PKD1: variants seen among roughly 807,000 people sequenced by gnomAD.
PKD1 encodes the protein polycystin 1, transient receptor potential channel interacting.
Under a neutral mutation model 361.7 loss-of-function variants are expected in PKD1, and 81 were observed. The ratio of observed to expected loss-of-function variants is 0.22; its 90% CI spans 0.19 to 0.27. The LOEUF (loss-of-function observed/expected upper bound fraction) is 0.27. PKD1 is among the 10% of genes least tolerant of loss of function. The pLI, the probability that PKD1 is intolerant of heterozygous loss-of-function variation, is 1.00. For synonymous variants in PKD1, 3,615 were observed against 2,818.3 expected (o/e 1.28, Z -8.95); for missense variants, 6,399 against 6,118.3 (o/e 1.05, Z -1.53).
At chr16:2,113,543 A>G (rs1400237068) in intron 11 of PKD1, among the ~76,000 whole-genome samples, 5 of 152,156 alleles carry the variant, frequency 3.3e-5, no homozygotes, top group Non-Finnish European at 7.4e-5. Flanking sequence ...TGTAAAGCAA[A>G]CCTAGTACCA....
At chr16:2,092,821 T>A (rs2091659039) in intron 38 of PKD1, 133 bp downstream of exon 38, 5 of 1,127,806 alleles carry the variant, frequency 4.4e-6, no homozygotes. Flanking sequence ...TGCCTACTGA[T>A]GCCAGCAGCA....
Position 2,100,130 on chromosome 16 carries a change from C to A in PKD1, c.9712+36G>T. ...CACGGGGCAGGACCACCCTGCCCAA[C>A]CTCCCACGGAGTGGGAACATGGAAC... is the stretch of plus-strand genomic sequence containing the variant. On this transcript the variant is annotated intron_variant, in intron 28 of 45. Coordinates refer to ENST00000262304, the MANE Select transcript of PKD1 (RefSeq NM_001009944.3). The surrounding 1 kb of genome is among the most constrained non-coding windows in gnomAD (Gnocchi z 4.4). 1 of 1,600,076 alleles carries A rather than the reference C, an allele frequency of 6.2e-7. No individual in the cohort carries two copies. Among genetic ancestry groups the A allele is most frequent in the Non-Finnish European group, 8.5e-7 (1 of 1,170,736 alleles).
intron 1 of PKD1, chr16:2,120,037 C>A: frequency 1.7e-6 from 1 of 590,656 alleles, no homozygotes. Context: ...CACAGTGAGA[C>A]CCCGTATCTA....
chr16:2,096,789 T>G, intron 34 of PKD1: 1 of 308,724 alleles, frequency 3.2e-6, no homozygotes, highest in Non-Finnish European at 6.2e-6. Context: ...AGTGCTGGGA[T>G]TACACGTGTG....
Position 2,089,423 on chromosome 16 carries a change from G to C in PKD1, c.*304C>G, listed in dbSNP as rs755653968. On this transcript the variant is annotated 3_prime_UTR_variant, in exon 46 of 46. Coordinates refer to ENST00000262304, the MANE Select transcript of PKD1 (RefSeq NM_001009944.3). Reference sequence around the variant, plus strand: ...GCAGTGGGGGACATCTGCCCAGGGGGTGGGGCCGGGCACAGCCCGCTGTAC... The same window carrying C: ...GCAGTGGGGGACATCTGCCCAGGGGCTGGGGCCGGGCACAGCCCGCTGTAC... 1 of 475,324 alleles carries C rather than the reference G, an allele frequency of 2.1e-6. No individual in the cohort carries two copies. Among genetic ancestry groups the C allele is most frequent in the Non-Finnish European group, 3.8e-6 (1 of 262,006 alleles). 29.4% of individuals were successfully genotyped at this position (475,324 alleles called of 1,614,324 possible).
chr16:2,111,225 C>T lies in PKD1; in HGVS notation c.3942G>A (p.Thr1314=), dbSNP rs751416288. ...CIPTQPDARL[T]AYVTGNPAHY... is the part of the protein sequence containing the mutation. Reference sequence around the variant, plus strand: ...GGGCCGGGTTCCCGGTGACGTAGGCCGTGAGCCGCGCGTCAGGCTGCGTGG... The same window carrying T: ...GGGCCGGGTTCCCGGTGACGTAGGCTGTGAGCCGCGCGTCAGGCTGCGTGG... The change falls in exon 15 of 46, where the codon ACG becomes ACA. Residue 1314 remains threonine (T), a synonymous_variant. Transcript: ENST00000262304. The T allele has an allele frequency of 2.2e-5, 35 of 1,610,992 alleles. 1 individual carries two copies. Among genetic ancestry groups the T allele is most frequent in the Middle Eastern group, 3.8e-4 (2 of 5,316 alleles).
At chr16:2,104,406 T>A in intron 22 of PKD1, 92 bp downstream of exon 22, 1 of 734,532 alleles carries the variant, frequency 1.4e-6, no homozygotes, top group African/African-American at 3.8e-5. Context: ...GAAGATGGGA[T>A]GGGGCAAAGG....
Position 2,102,397 on chromosome 16 carries a change from A to G in PKD1, c.9185T>C (p.Val3062Ala). 2.6e-6 allele frequency: 4 copies of G among 1,558,774 alleles called. No homozygotes were observed. The highest frequency in any genetic ancestry group is 3.5e-6 in the Non-Finnish European group (4 of 1,152,234). The change falls in exon 25 of 46, where the codon GTC (valine) becomes GCC (alanine). Residue 3062 changes from valine (V) to alanine (A), a missense_variant. By Grantham distance (64) the Val-to-Ala change is moderately conservative. Coordinates refer to ENST00000262304, the MANE Select transcript of PKD1 (RefSeq NM_001009944.3). ...GTCACTCACAGGAAACACAAAGCGG[A>G]CATGGCTTGGGGGCACGAAGAGGCT... ...GASLFVPPSH[V>A]RFVFPEPTAD... is the part of the protein sequence containing the mutation.
At chr16:2,101,776 C>T (rs1567173167) in intron 26 of PKD1, among the ~76,000 whole-genome samples, 1 of 152,266 alleles carries the variant, frequency 6.6e-6, no homozygotes, top group Non-Finnish European at 1.5e-5. Flanking sequence ...CACAGTCTCC[C>T]ACAGTGGTAG....
At chr16:2,098,746 G>C (rs2091959825) in intron 30 of PKD1, 1 of 144,980 alleles carries the variant, frequency 6.9e-6, no homozygotes, top group African/African-American at 2.8e-5. Flanking sequence ...GAAAGAGTCT[G>C]TGAAGGATTG....
rs2091413681 is a variant in PKD1 at position 2,090,178 on chromosome 16, C to T, written c.12461G>A (p.Arg4154His). ...SKVKEFRHKV[R>H]FEGMEPLPSR... ...GGGCAGCGGCTCCATCCCTTCAAAG[C>T]GGACTTTGTGGCGGAACTGGGGGCG... The change falls in exon 46 of 46, where the codon CGC (arginine) becomes CAC (histidine). Residue 4154 changes from arginine to histidine, a missense_variant. Physicochemically the swap from Arg to His is conservative, Grantham distance 29. Coordinates refer to ENST00000262304, the MANE Select transcript of PKD1 (RefSeq NM_001009944.3). The T allele has an allele frequency of 3.7e-6, 6 of 1,602,208 alleles. No individual in the cohort carries two copies. The highest frequency in any genetic ancestry group is 1.3e-5 in the African/African-American group (1 of 74,770).
chr16:2,107,244 G>A (rs1036028267), intron 16 of PKD1: 3 of 472,230 alleles, frequency 6.4e-6, no homozygotes, highest in African/African-American at 2.0e-5. Context: ...ATGCGTGTGA[G>A]AAGAGACGTA....
At chr16:2,123,464 C>A (rs1289451567) in intron 1 of PKD1, 2 of 456,502 alleles carry the variant, frequency 4.4e-6, no homozygotes, top group South Asian at 1.5e-5. Context: ...GGAGTCCTCA[C>A]CTCGCTTGCT....
intron 15 of PKD1, 98 bp from the exon 16 acceptor site, chr16:2,108,130 T>C: frequency 1.1e-5 from 16 of 1,480,948 alleles, no homozygotes; most frequent in Non-Finnish European, 1.4e-5. Context: ...CCCCTCCCCA[T>C]GCTGGGACGG....
In PKD1 at chr16:2,109,115, G is replaced by C; in HGVS notation, c.6052C>G (p.Leu2018Val). 1 of 1,603,098 alleles carries C rather than the reference G, an allele frequency of 6.2e-7. No homozygotes were observed. The highest frequency in any genetic ancestry group is 8.5e-7 in the Non-Finnish European group (1 of 1,174,292). Residue 2018 changes from leucine to valine, a missense_variant, in exon 15 of 46, where the codon CTG (leucine) becomes GTG (valine). Transcript: ENST00000262304. ...ACGTCGCGGCCCGACAGGATGACCA[G>C]CGAGTCGCCCTGGACCTTCTGCAGC... ...FSLQKVQGDS[L>V]VILSGRDVTY...
At chr16:2,093,210 A>G in intron 37 of PKD1, 117 bp from the exon 38 acceptor site, 1 of 1,269,412 alleles carries the variant, frequency 7.9e-7, no homozygotes, top group Non-Finnish European at 1.1e-6. Flanking sequence ...GTGAGCTGGC[A>G]GGGGGCGCCC....
Position 2,106,526 on chromosome 16 carries a change from G to A in PKD1, c.7361C>T (p.Ser2454Phe), listed in dbSNP as rs751740953. ...YTFTLTVLGR[S>F]GEEEGCASIR... is the part of the protein sequence containing the mutation. ...GGAGGCGCAGCCCTCCTCCTCGCCA[G>A]AGCGGCCCAGCACCGTGAGCGTGAA... is the stretch of plus-strand genomic sequence containing the variant. Residue 2454 changes from serine to phenylalanine, a missense_variant, in exon 18 of 46, where the codon TCT (serine) becomes TTT (phenylalanine). Transcript: ENST00000262304. The surrounding 1 kb of genome is among the most constrained non-coding windows in gnomAD (Gnocchi z 6.5). 6.9e-6 allele frequency: 11 copies of A among 1,596,004 alleles called. No homozygotes were observed. Among genetic ancestry groups the A allele is most frequent in the African/African-American group, 1.3e-5 (1 of 74,802 alleles).
At position 2,107,906 on chromosome 16, in the gene PKD1, T is replaced by C. The variant is rs2092400572; in HGVS notation, c.7042A>G (p.Lys2348Glu). 8 of 1,544,944 alleles carry C rather than the reference T, an allele frequency of 5.2e-6. No homozygotes were observed. Among genetic ancestry groups the C allele is most frequent in the Non-Finnish European group, 7.0e-6 (8 of 1,146,600 alleles). ...FSLTVWKAGR[K>E]EEATNQTVLI... ...ACCGTCTGGTTGGTGGCCTCCTCCT[T>C]GCGGCCGGCCTTCCACACGGTCAGG... The change falls in exon 16 of 46, where the codon AAG (lysine) becomes GAG (glutamate). Residue 2348 changes from lysine to glutamate, a missense_variant. Physicochemically the swap from Lys to Glu is moderately conservative, Grantham distance 56. Transcript: ENST00000262304.
At chr16:2,093,379 G>T (rs1025147612) in intron 37 of PKD1, 165 bp downstream of exon 37, 53 of 735,638 alleles carry the variant, frequency 7.2e-5, no homozygotes, top group Admixed American at 4.1e-4. Context: ...GGCAGCAAGT[G>T]GGGGGCGTGG....
Sources: gnomAD v4.1 joint callset for allele counts (sites outside exome capture counted in the v4.1 genomes callset) on GRCh38, gnomAD v4.1.1 for gene constraint, Gnocchi (gnomAD v3.1) non-coding constraint, MANE v1.5 for transcripts, NCBI Gene and HGNC (gene_info 2026-07-23, HGNC 2026-07-21) for gene names.